ZRANB3: variants seen among roughly 807,000 people sequenced by gnomAD.
The protein encoded by ZRANB3 is DNA annealing helicase and endonuclease ZRANB3.
In ZRANB3, 125 loss-of-function variants were observed where a neutral mutation model predicts 133.8. That is an observed-to-expected ratio of 0.93 (90% CI 0.81 to 1.08). ZRANB3 has a LOEUF of 1.08. Ranked by LOEUF, ZRANB3 falls within the 50% of genes least tolerant of loss-of-function variation. The pLI is 0.00. For synonymous variants in ZRANB3, 387 were observed against 432.7 expected (o/e 0.89, Z 1.31); for missense variants, 1,229 against 1,275.5 (o/e 0.96, Z 0.56).
intron 6 of ZRANB3, among the ~76,000 whole-genome samples, chr2:135,319,966 T>A (rs1212854138): frequency 6.6e-6 from 1 of 152,320 alleles, no homozygotes; most frequent in South Asian, 2.1e-4. Context: ...CAGGGACATA[T>A]GATCCTGTGA....
At chr2:135,494,189 G>A (rs1355439198) in intron 2 of ZRANB3, among the ~76,000 whole-genome samples, 6 of 144,920 alleles carry the variant, frequency 4.1e-5, no homozygotes, top group Admixed American at 4.1e-4. Flanking sequence ...GAGGGAGGGA[G>A]GGCGCGGTGG....
chr2:135,487,358 A>G (rs1052092478), intron 2 of ZRANB3, among the ~76,000 whole-genome samples: 3 of 152,228 alleles, frequency 2.0e-5, no homozygotes, highest in African/African-American at 4.8e-5. Context: ...CAGATGGTCA[A>G]TGAGCACTGG....
intron 12 of ZRANB3, among the ~76,000 whole-genome samples, chr2:135,262,695 C>A (rs1680023544): frequency 6.6e-6 from 1 of 151,792 alleles, no homozygotes; most frequent in Non-Finnish European, 1.5e-5. Flanking sequence ...ATGGGAGAAT[C>A]TCCTGAGTCC....
chr2:135,429,949 A>G (rs1416752788), intron 2 of ZRANB3, among the ~76,000 whole-genome samples: 1 of 152,170 alleles, frequency 6.6e-6, no homozygotes, highest in Admixed American at 6.5e-5. Flanking sequence ...TTGAGAGGCC[A>G]AGATGGGAGG....
At chr2:135,401,277 T>G (rs1185697561) in intron 2 of ZRANB3, among the ~76,000 whole-genome samples, 1 of 150,576 alleles carries the variant, frequency 6.6e-6, no homozygotes, top group East Asian at 1.9e-4. Flanking sequence ...TATGAAGGAT[T>G]TTTCTTTCCC....
intron 8 of ZRANB3, among the ~76,000 whole-genome samples, chr2:135,312,157 T>TTTTA (rs1553470774): frequency 1.4e-4 from 13 of 95,098 alleles, no homozygotes; most frequent in Admixed American, 3.6e-4. Context: ...TTTTATTTTA[T>TTTTA]TTTTATTTTA....
intron 17 of ZRANB3, among the ~76,000 whole-genome samples, chr2:135,215,868 T>G (rs531782210): frequency 1.3e-5 from 2 of 152,260 alleles, no homozygotes; most frequent in South Asian, 2.1e-4. Flanking sequence ...CTCAGCAGCA[T>G]CCTGGGCCTC....
intron 3 of ZRANB3, among the ~76,000 whole-genome samples, chr2:135,374,828 C>CAATATACATTAGATATA (rs1220478999): frequency 2.0e-5 from 3 of 151,936 alleles, no homozygotes; most frequent in Non-Finnish European, 4.4e-5. Flanking sequence ...AAGACTTGTA[C>CAATATACATTAGATATA]TTAAAATATA....
chr2:135,448,903 T>C (rs1385768582), intron 2 of ZRANB3, among the ~76,000 whole-genome samples: 1 of 152,214 alleles, frequency 6.6e-6, no homozygotes, highest in Non-Finnish European at 1.5e-5. Flanking sequence ...CAAGTTCTTC[T>C]TGCAAGGTGA....
At chr2:135,203,572 T>C (rs981342817) in intron 19 of ZRANB3, among the ~76,000 whole-genome samples, 8 of 146,540 alleles carry the variant, frequency 5.5e-5, no homozygotes, top group African/African-American at 7.7e-5. Context: ...TGAGCAGAGA[T>C]TGCACCACTG....
chr2:135,226,790 T>C (rs1171378981), intron 14 of ZRANB3, among the ~76,000 whole-genome samples: 1 of 152,148 alleles, frequency 6.6e-6, no homozygotes, highest in African/African-American at 2.4e-5. Context: ...CATCAGCACT[T>C]GAGAGTTTCT....
chr2:135,341,687 A>G (rs1299270033), intron 6 of ZRANB3, among the ~76,000 whole-genome samples: 1 of 149,904 alleles, frequency 6.7e-6, no homozygotes, highest in Non-Finnish European at 1.5e-5. Context: ...CCCAGTAAGG[A>G]ATATTAATAA....
chr2:135,390,962 G>C, intron 2 of ZRANB3, 142 bp from the exon 3 acceptor site: 1 of 828,890 alleles, frequency 1.2e-6, no homozygotes, highest in African/African-American at 1.9e-5. Context: ...CCAGGTCCAA[G>C]TGATTCTCCT....
intron 6 of ZRANB3, among the ~76,000 whole-genome samples, chr2:135,315,911 C>T (rs1029133435): frequency 1.3e-5 from 2 of 152,164 alleles, no homozygotes; most frequent in Non-Finnish European, 2.9e-5. Flanking sequence ...GCCAGTGCAT[C>T]AGCCAGTCAT....
intron 3 of ZRANB3, among the ~76,000 whole-genome samples, chr2:135,370,729 A>G (rs1686140120): frequency 6.6e-6 from 1 of 152,146 alleles, no homozygotes; most frequent in Non-Finnish European, 1.5e-5. Context: ...CCAATTCCCA[A>G]TACAGATGTG....
At chr2:135,232,589 G>C (rs1695084201) in intron 12 of ZRANB3, among the ~76,000 whole-genome samples, 1 of 152,182 alleles carries the variant, frequency 6.6e-6, no homozygotes, top group Non-Finnish European at 1.5e-5. Context: ...ACTCCTCTGA[G>C]ACAAAACCTC....
At chr2:135,475,409 C>G (rs974523747) in intron 2 of ZRANB3, among the ~76,000 whole-genome samples, 3 of 152,178 alleles carry the variant, frequency 2.0e-5, no homozygotes, top group African/African-American at 7.2e-5. Context: ...ATGTAAATAA[C>G]TAACTCACAA....
chr2:135,313,021 A>T (rs907695559), intron 8 of ZRANB3, among the ~76,000 whole-genome samples: 2 of 142,464 alleles, frequency 1.4e-5, no homozygotes, highest in South Asian at 2.2e-4. Flanking sequence ...TTCCGTCTTT[A>T]AAAAAAAAAA....
At chr2:135,470,793 G>A (rs1404041548) in intron 2 of ZRANB3, among the ~76,000 whole-genome samples, 1 of 150,218 alleles carries the variant, frequency 6.7e-6, no homozygotes, top group Non-Finnish European at 1.5e-5. Flanking sequence ...TAATGATCAC[G>A]AAATTTCTTT....
Sources: allele counts gnomAD v4.1 joint callset (sites outside exome capture counted in the v4.1 genomes callset), GRCh38; gene constraint gnomAD v4.1.1; transcripts MANE v1.5; gene names NCBI Gene and HGNC (gene_info 2026-07-23, HGNC 2026-07-21).